The following SGCZ variants were observed in gnomAD, a reference collection of about 807,000 sequenced individuals.
The protein encoded by SGCZ is zeta-sarcoglycan.
In SGCZ, 40 loss-of-function variants were observed where a neutral mutation model predicts 41.3. The ratio of observed to expected loss-of-function variants is 0.97; its 90% CI spans 0.75 to 1.26. The LOEUF is 1.26. Among genes scored for constraint, SGCZ ranks in the 50% most tolerant of loss-of-function variants. SGCZ has a pLI of 0.00. For missense variants in SGCZ, 552 were observed against 369.8 expected (o/e 1.49, Z -4.04); for synonymous variants, 206 against 137.5 (o/e 1.50, Z -3.49).
Position 14,686,641 on chromosome 8 carries a change from G to A in SGCZ, c.40-131715C>T, listed in dbSNP as rs6986131. 2.1e-3 allele frequency among the ~76,000 whole-genome samples: 324 copies of A among 152,186 alleles called. 1 individual carries two copies. Among genetic ancestry groups the A allele is most frequent in the Middle Eastern group, 6.8e-3 (2 of 294 alleles). On this transcript the variant is annotated intron_variant, in intron 1 of 7. Coordinates refer to ENST00000382080, the MANE Select transcript of SGCZ (RefSeq NM_139167.4). ...TAAGTAGAAGCAGGGGTACTGGGGT[G>A]CAATAGAGATTTCAGGTTTAGACAT...
chr8:14,354,043 T>G (rs1314417766), intron 2 of SGCZ, among the ~76,000 whole-genome samples: 4 of 152,070 alleles, frequency 2.6e-5, no homozygotes, highest in Non-Finnish European at 5.9e-5. Context: ...CCTATTTCAT[T>G]TTCAGTTATT....
At chr8:14,295,665 A>G (rs1800984250) in intron 3 of SGCZ, among the ~76,000 whole-genome samples, 1 of 152,162 alleles carries the variant, frequency 6.6e-6, no homozygotes, top group African/African-American at 2.4e-5. Flanking sequence ...AATGTGACAT[A>G]TTAAAAAATG....
intron 2 of SGCZ, among the ~76,000 whole-genome samples, chr8:14,381,613 A>G (rs949705241): frequency 3.3e-5 from 5 of 149,264 alleles, no homozygotes; most frequent in Non-Finnish European, 6.0e-5. Flanking sequence ...CGGTTCTACA[A>G]AAAAAAAAAT....
intron 3 of SGCZ, among the ~76,000 whole-genome samples, chr8:14,301,647 A>G (rs1049161365): frequency 2.6e-5 from 4 of 152,118 alleles, no homozygotes; most frequent in Non-Finnish European, 5.9e-5. Flanking sequence ...TTTAATTAAA[A>G]CCCTTATTCA....
At chr8:14,353,162 GC>G (rs1055473443) in intron 2 of SGCZ, among the ~76,000 whole-genome samples, 1 of 148,214 alleles carries the variant, frequency 6.7e-6, no homozygotes, top group African/African-American at 2.6e-5. Flanking sequence ...TTCTTCATTT[GC>G]AAAATACCAT....
intron 4 of SGCZ, among the ~76,000 whole-genome samples, chr8:14,185,265 A>T (rs1482584207): frequency 6.6e-6 from 1 of 152,008 alleles, no homozygotes; most frequent in Non-Finnish European, 1.5e-5. Context: ...TTAGCTGCAC[A>T]TGGTGGCACA....
chr8:15,076,753 CA>C (rs1563488375), intron 1 of SGCZ, among the ~76,000 whole-genome samples: 6 of 143,742 alleles, frequency 4.2e-5, no homozygotes, highest in Admixed American at 6.8e-5. Flanking sequence ...AAGTCTCTCT[CA>C]TTTTTTTTTT....
chr8:14,841,316 A>T (rs1209189189), intron 1 of SGCZ, among the ~76,000 whole-genome samples: 1 of 151,988 alleles, frequency 6.6e-6, no homozygotes, highest in Non-Finnish European at 1.5e-5. Flanking sequence ...GGCTAACCTA[A>T]CATAAGAGAT....
chr8:14,674,598 C>T (rs1808210977), intron 1 of SGCZ, among the ~76,000 whole-genome samples: 3 of 152,092 alleles, frequency 2.0e-5, no homozygotes, highest in African/African-American at 7.2e-5. Flanking sequence ...GTTACTTTCC[C>T]ACCCAAATTT....
chr8:15,195,228 G>T (rs141684570), intron 1 of SGCZ, among the ~76,000 whole-genome samples: 207 of 152,186 alleles, frequency 1.4e-3, no homozygotes, highest in African/African-American at 4.8e-3. Context: ...CAGTTTTCTT[G>T]GCCCAGTGTA....
At chr8:14,325,837 G>C (rs1004324447) in intron 2 of SGCZ, among the ~76,000 whole-genome samples, 1 of 144,376 alleles carries the variant, frequency 6.9e-6, no homozygotes, top group Admixed American at 7.1e-5. Flanking sequence ...TGGGCCCGGC[G>C]CGGTGGCTCA....
intron 3 of SGCZ, among the ~76,000 whole-genome samples, chr8:14,252,022 T>C (rs997456108): frequency 1.3e-5 from 2 of 152,182 alleles, no homozygotes; most frequent in African/African-American, 4.8e-5. Context: ...ATTCATGTCT[T>C]TTATTAGATT....
At chr8:14,647,962 C>G (rs980732102) in intron 1 of SGCZ, among the ~76,000 whole-genome samples, 1 of 151,878 alleles carries the variant, frequency 6.6e-6, no homozygotes, top group African/African-American at 2.4e-5. Context: ...AACCAAACAC[C>G]CAGGCACCAG....
chr8:15,228,653 C>G (rs975378710), intron 1 of SGCZ, among the ~76,000 whole-genome samples: 2 of 152,144 alleles, frequency 1.3e-5, no homozygotes, highest in African/African-American at 4.8e-5. Flanking sequence ...TGATGATTCA[C>G]TACAAAGGCC....
chr8:14,172,746 G>A (rs983503225), intron 4 of SGCZ, among the ~76,000 whole-genome samples: 5 of 152,096 alleles, frequency 3.3e-5, no homozygotes, highest in African/African-American at 9.7e-5. Context: ...CAGGAGGAGA[G>A]ATGAGATTTC....
chr8:15,051,066 A>G (rs917531013), intron 1 of SGCZ, among the ~76,000 whole-genome samples: 1 of 152,194 alleles, frequency 6.6e-6, no homozygotes, highest in Non-Finnish European at 1.5e-5. Context: ...AATAGGTTTG[A>G]TAGTCATAGA....
In SGCZ at chr8:14,734,917, G is replaced by A. The variant is rs144902276; in HGVS notation, c.40-179991C>T. Among the ~76,000 whole-genome samples the A allele has an allele frequency of 3.0e-3, 449 of 152,178 alleles. 2 individuals are homozygous for A. The highest frequency in any genetic ancestry group is 0.01 in the African/African-American group (427 of 41,514). On this transcript the variant is annotated intron_variant, in intron 1 of 7. Coordinates refer to ENST00000382080, the MANE Select transcript of SGCZ (RefSeq NM_139167.4). ...CGTTAGTTTTCTCTTGTTTAACATG[G>A]TATGGGAATGGGTATTCTGATTCAT... is the stretch of plus-strand genomic sequence containing the variant.
At chr8:15,142,752 C>A (rs1353289155) in intron 1 of SGCZ, among the ~76,000 whole-genome samples, 1 of 151,340 alleles carries the variant, frequency 6.6e-6, no homozygotes, top group Admixed American at 6.6e-5. Flanking sequence ...GCTGGGCCTA[C>A]AGGCACACAT....
chr8:14,341,106 T>G (rs1276969424), intron 2 of SGCZ, among the ~76,000 whole-genome samples: 2 of 152,204 alleles, frequency 1.3e-5, no homozygotes, highest in Admixed American at 6.5e-5. Flanking sequence ...GTGTCAAAAT[T>G]TCCTTCCTTT....
Sources: gnomAD v4.1 joint callset for allele counts (sites outside exome capture counted in the v4.1 genomes callset) on GRCh38, gnomAD v4.1.1 for gene constraint, MANE v1.5 for transcripts, NCBI Gene and HGNC (gene_info 2026-07-23, HGNC 2026-07-21) for gene names.